Variants in C19orf44 observed in about 807,000 individuals in gnomAD.
C19orf44 encodes chromosome 19 open reading frame 44.
Under a neutral mutation model 50.7 loss-of-function variants are expected in C19orf44, and 43 were observed. The ratio of observed to expected loss-of-function variants is 0.85; its 90% CI spans 0.66 to 1.09. C19orf44 has a LOEUF of 1.09. Among genes scored for constraint, C19orf44 ranks in the 50% least tolerant of loss-of-function variants. The pLI is 0.00. For synonymous variants in C19orf44, 298 were observed against 334.7 expected, an observed-to-expected ratio of 0.89 and a Z score of 1.20; for missense variants, 722 against 836.2, an observed-to-expected ratio of 0.86 and a Z score of 1.68.
At chr19:16,510,010 G>A (rs1385372425) in intron 5 of C19orf44, 22 bp downstream of exon 5, 18 of 1,613,988 alleles carry the variant, frequency 1.1e-5, no homozygotes, top group Non-Finnish European at 1.4e-5. Flanking sequence ...GGCCCGTGGG[G>A]GCCGGGGCAG....
chr19:16,501,248 G>A lies in C19orf44; in HGVS notation c.456G>A (p.Gln152=). Residue 152 remains glutamine, a synonymous_variant, in exon 2 of 9, where the codon CAG becomes CAA. Transcript: ENST00000221671. ...LASQNTDKTS[Q]NQARELPVTE... The stretch of plus-strand genomic sequence containing the variant: ...CCCAGAACACAGACAAAACTTCCCA[G>A]AATCAAGCCCGTGAACTTCCTGTCA... The A allele has an allele frequency of 2.5e-6, 4 of 1,614,156 alleles. No homozygotes were observed. The South Asian group carries it at 4.4e-5, about 18-fold the overall frequency.
Position 16,501,368 on chromosome 19 carries a change from A to G in C19orf44, c.576A>G (p.Lys192=). The change falls in exon 2 of 9, where the codon AAA becomes AAG. Residue 192 remains lysine (K), a synonymous_variant. Transcript: ENST00000221671. ...TATCCCCTGAAGCACCTGCTGGGAA[A>G]GAGAGGACTTTGCAAACCCCCAAAC... ...ENISPEAPAG[K]ERTLQTPKQK... The G allele has an allele frequency of 6.2e-7, 1 of 1,614,144 alleles. No homozygotes were observed. Among genetic ancestry groups the G allele is most frequent in the Non-Finnish European group, 8.5e-7 (1 of 1,180,030 alleles).
chr19:16,511,140 G>A (rs967314746), intron 5 of C19orf44, among the ~76,000 whole-genome samples: 1 of 151,794 alleles, frequency 6.6e-6, no homozygotes, highest in Non-Finnish European at 1.5e-5. Context: ...GGGTTCAAGC[G>A]ATTCTCCTGC....
rs368290501 is a variant in C19orf44, at chr19:16,520,250, C to T, written c.*197C>T. On this transcript the variant is annotated 3_prime_UTR_variant, in exon 9 of 9. Coordinates refer to ENST00000221671, the MANE Select transcript of C19orf44 (RefSeq NM_032207.4). The surrounding 1 kb of genome is among the most constrained non-coding windows in gnomAD (Gnocchi z 4.0). ...ACCGGGAGCGGCTTCTGGAGGAGCGCGACCTGCTCCGACTTCTGCAGGGAA... is the reference window on the plus strand; with the variant it reads ...ACCGGGAGCGGCTTCTGGAGGAGCGTGACCTGCTCCGACTTCTGCAGGGAA... 203 of 1,613,232 alleles carry T rather than the reference C, an allele frequency of 1.3e-4. No homozygotes were observed. The highest frequency in any genetic ancestry group is 1.5e-4 in the Non-Finnish European group (181 of 1,180,010).
intron 5 of C19orf44, among the ~76,000 whole-genome samples, chr19:16,511,566 G>T (rs957421414): frequency 1.3e-5 from 2 of 151,754 alleles, no homozygotes; most frequent in African/African-American, 2.4e-5. Flanking sequence ...ACATTCCCAT[G>T]TTATTATTTT....
Position 16,501,329 on chromosome 19 carries a change from A to G in C19orf44, c.537A>G (p.Ala179=), listed in dbSNP as rs1192359965. ...GTAGGTTTCTAAAGAAGAAACAAGC[A>G]CCTGTTGAAAACATATCCCCTGAAG... ...KVSRFLKKKQ[A]PVENISPEAP... is the part of the protein sequence containing the mutation. The change falls in exon 2 of 9, where the codon GCA becomes GCG. Residue 179 remains alanine, a synonymous_variant. Coordinates refer to ENST00000221671, the MANE Select transcript of C19orf44 (RefSeq NM_032207.4). The G allele has an allele frequency of 1.9e-6, 3 of 1,614,076 alleles. No individual in the cohort carries two copies. The highest frequency in any genetic ancestry group is 1.3e-5 in the African/African-American group (1 of 74,932).
intron 1 of C19orf44, among the ~76,000 whole-genome samples, chr19:16,499,188 A>T (rs2093418012): frequency 6.6e-6 from 1 of 151,988 alleles, no homozygotes; most frequent in Non-Finnish European, 1.5e-5. Flanking sequence ...TGTGCTGGGC[A>T]CTCCTAGTAC....
rs1001890057 is a variant in C19orf44, at chr19:16,509,555, C to T, written c.1206C>T (p.Ser402=). The change falls in exon 5 of 9, where the codon TCC becomes TCT. Residue 402 remains serine (S), a synonymous_variant. Coordinates refer to ENST00000221671, the MANE Select transcript of C19orf44 (RefSeq NM_032207.4). ...TAGKIFRAEA[S]TGQDAPRQAQ... Reference sequence around the variant, plus strand: ...GCAAAATCTTCAGAGCCGAGGCGTCCACTGGGCAGGATGCCCCGAGGCAGG... The same window carrying T: ...GCAAAATCTTCAGAGCCGAGGCGTCTACTGGGCAGGATGCCCCGAGGCAGG... 2.9e-5 allele frequency: 46 copies of T among 1,599,840 alleles called. No individual in the cohort carries two copies. The highest frequency in any genetic ancestry group is 3.8e-5 in the Non-Finnish European group (45 of 1,172,762).
In C19orf44 at chr19:16,501,655, C is replaced by T. The variant is rs192665443; in HGVS notation, c.759+104C>T. On this transcript the variant is annotated intron_variant, in intron 2 of 8. Coordinates refer to ENST00000221671, the MANE Select transcript of C19orf44 (RefSeq NM_032207.4). ...TTGCCCAGGCTGGAGTGCAATGGCACGATCTCTGCTCACCGCAACCTCCAC... is the reference window on the plus strand; with the variant it reads ...TTGCCCAGGCTGGAGTGCAATGGCATGATCTCTGCTCACCGCAACCTCCAC... 7.1e-4 allele frequency: 587 copies of T among 827,484 alleles called. 5 individuals carry two copies. In the East Asian group the frequency reaches 0.017, roughly 24 times the overall value. The allele number at this position is 827,484 out of a possible 1,614,324, so 51.3% of individuals were successfully genotyped here.
chr19:16,510,159 C>A lies in C19orf44; in HGVS notation c.1639+171C>A, dbSNP rs745451049. Reference sequence around the variant, plus strand: ...AGGTGGCTCACGCCTGTAATCCCAGCACTTTGGGAGGCCGAGGCGGGAGGA... The same window carrying A: ...AGGTGGCTCACGCCTGTAATCCCAGAACTTTGGGAGGCCGAGGCGGGAGGA... On this transcript the variant is annotated intron_variant, in intron 5 of 8. Coordinates refer to ENST00000221671, the MANE Select transcript of C19orf44 (RefSeq NM_032207.4). The A allele has an allele frequency of 7.5e-4, 726 of 969,780 alleles. 8 individuals are homozygous for A. The highest frequency in any genetic ancestry group is 3.9e-5 in the Non-Finnish European group (25 of 643,902). The allele number at this position is 969,780 out of a possible 1,614,324, so 60.1% of individuals were successfully genotyped here. A position where few individuals can be genotyped will look rare whatever the true frequency, so the allele number is the denominator to read the frequency against.
At position 16,513,104 on chromosome 19, in the gene C19orf44, T is replaced by G. The variant is rs773185076; in HGVS notation, c.1730T>G (p.Ile577Arg). Residue 577 changes from isoleucine (I) to arginine (R), a missense_variant, in exon 6 of 9, where the codon ATA (isoleucine) becomes AGA (arginine). Physicochemically the swap from Ile to Arg is moderately conservative, Grantham distance 97 (BLOSUM62 -3). Coordinates refer to ENST00000221671, the MANE Select transcript of C19orf44 (RefSeq NM_032207.4). ...AATCATGTTATCAGTGCAGATGCAATAGAAGGTAACAGCCCGGCTCGGGGG... is the reference window on the plus strand; with the variant it reads ...AATCATGTTATCAGTGCAGATGCAAGAGAAGGTAACAGCCCGGCTCGGGGG... Reference protein sequence around the residue: ...IANHVISADAIEALTAYSPAV... With the variant: ...IANHVISADAREALTAYSPAV... The G allele has an allele frequency of 2.5e-6, 4 of 1,613,792 alleles. No individual in the cohort carries two copies. In the Admixed American group the frequency reaches 5.0e-5, roughly 20 times the overall value.
Position 16,501,345 on chromosome 19 carries a change from T to A in C19orf44, c.553T>A (p.Ser185Thr). The A allele has an allele frequency of 6.2e-7, 1 of 1,613,948 alleles. No individual in the cohort carries two copies. The highest frequency in any genetic ancestry group is 8.5e-7 in the Non-Finnish European group (1 of 1,180,014). ...GAAACAAGCACCTGTTGAAAACATA[T>A]CCCCTGAAGCACCTGCTGGGAAAGA... ...KKKQAPVENISPEAPAGKERT... is the reference protein window; with the variant it reads ...KKKQAPVENITPEAPAGKERT... The change falls in exon 2 of 9, where the codon TCC (serine) becomes ACC (threonine). Residue 185 changes from serine (S) to threonine (T), a missense_variant. Ser to Thr is a moderately conservative substitution (Grantham distance 58). Transcript: ENST00000221671.
chr19:16,514,144 C>G (rs1039823800), intron 6 of C19orf44, among the ~76,000 whole-genome samples: 1 of 151,474 alleles, frequency 6.6e-6, no homozygotes, highest in Non-Finnish European at 1.5e-5. Context: ...TCTGCCACTA[C>G]ACCTGGCTAA....
chr19:16,520,304 C>CGTCG lies in C19orf44; in HGVS notation c.*252_*255dup, dbSNP rs753523448. ...TGCCCAAGGGTCAGCAGCAGCCAGG[C>CGTCG]GTCGTGGGGAGGCCACAGGAAGAGG... On this transcript the variant is annotated 3_prime_UTR_variant, in exon 9 of 9. Transcript: ENST00000221671. The surrounding 1 kb of genome is among the most constrained non-coding windows in gnomAD (Gnocchi z 4.0). 8 of 1,610,964 alleles carry CGTCG rather than the reference C, an allele frequency of 5.0e-6. No individual in the cohort carries two copies. In the Admixed American group the frequency reaches 1.3e-4, roughly 27 times the overall value.
At chr19:16,511,305 G>A in intron 5 of C19orf44, among the ~76,000 whole-genome samples, 1 of 152,004 alleles carries the variant, frequency 6.6e-6, no homozygotes, top group East Asian at 1.9e-4. Flanking sequence ...AAAGTGCTGG[G>A]ATTATAGGTG....
chr19:16,514,730 G>T lies in C19orf44; in HGVS notation c.1902+67G>T, dbSNP rs541865859. The T allele has an allele frequency of 4.2e-6, 6 of 1,439,026 alleles. No homozygotes were observed. The African/African-American group carries it at 5.8e-5, about 14-fold the overall frequency. The allele number at this position is 1,439,026 out of a possible 1,614,324, so 89.1% of individuals were successfully genotyped here. A position where few individuals can be genotyped will look rare whatever the true frequency, so the allele number is the denominator to read the frequency against. On this transcript the variant is annotated intron_variant, in intron 7 of 8. Transcript: ENST00000221671. ...AGCGGCAGCTCCCAGAGGCCGGGCCGAAGGGATATGGGCCGGGGCCTGGGC... is the reference window on the plus strand; with the variant it reads ...AGCGGCAGCTCCCAGAGGCCGGGCCTAAGGGATATGGGCCGGGGCCTGGGC...
chr19:16,500,693 T>G (rs566396315), intron 1 of C19orf44, 99 bp from the exon 2 acceptor site: 454 of 1,211,764 alleles, frequency 3.7e-4, no homozygotes, highest in Admixed American at 8.1e-4. Context: ...TGTGGCTGGG[T>G]TGCAAAAGAC....
Position 16,503,302 on chromosome 19 carries a change from C to T in C19orf44, c.997C>T (p.Leu333Phe). ...GTCTTTAAAGATGGGGCATGTCAAG[C>T]TTGTGTCCTCCCCGGGAAGGAGTGA... ...SVSLKMGHVK[L>F]VSSPGRSEAE... Residue 333 changes from leucine (L) to phenylalanine (F), a missense_variant, in exon 3 of 9, where the codon CTT becomes TTT. By Grantham distance (22) the Leu-to-Phe change is conservative. Coordinates refer to ENST00000221671, the MANE Select transcript of C19orf44 (RefSeq NM_032207.4). 6.2e-7 allele frequency: 1 copy of T among 1,614,192 alleles called. No individual in the cohort carries two copies. Among genetic ancestry groups the T allele is most frequent in the African/African-American group, 1.3e-5 (1 of 75,056 alleles).
chr19:16,515,429 G>T (rs574177707), intron 7 of C19orf44, among the ~76,000 whole-genome samples: 1 of 152,218 alleles, frequency 6.6e-6, no homozygotes, highest in Non-Finnish European at 1.5e-5. Context: ...TTGCAGAGAT[G>T]TGTAACCTGC....
Sources: allele counts gnomAD v4.1 joint callset (sites outside exome capture counted in the v4.1 genomes callset), GRCh38; gene constraint gnomAD v4.1.1; non-coding constraint Gnocchi (gnomAD v3.1); transcripts MANE v1.5; gene names NCBI Gene and HGNC (gene_info 2026-07-23, HGNC 2026-07-21).